PWWP3A: variants seen among roughly 807,000 people sequenced by gnomAD.
PWWP3A encodes the protein PWWP domain containing 3A, DNA repair factor, also known as PWWP domain-containing DNA repair factor 3A.
PWWP3A carries 53 observed loss-of-function variants against 79.0 expected under a neutral mutation model. The ratio of observed to expected loss-of-function variants is 0.67; its 90% CI spans 0.54 to 0.84. PWWP3A has a LOEUF of 0.84. PWWP3A is among the 40% of genes least tolerant of loss of function. The pLI is 0.00. For synonymous variants in PWWP3A, 443 were observed against 394.4 expected (o/e 1.12, Z -1.46); for missense variants, 973 against 948.0 (o/e 1.03, Z -0.35).
At chr19:1,358,753 G>A in intron 4 of PWWP3A, 1 of 1,220,550 alleles carries the variant, frequency 8.2e-7, no homozygotes, top group Admixed American at 2.1e-5. Flanking sequence ...ACAAGACGAG[G>A]AAGGACTTTG....
In PWWP3A at chr19:1,360,873, C is replaced by T. The variant is rs1380543063; in HGVS notation, c.952C>T (p.Pro318Ser). Residue 318 changes from proline (P) to serine (S), a missense_variant, in exon 5 of 14, where the codon CCC becomes TCC. Physicochemically the swap from Pro to Ser is moderately conservative, Grantham distance 74. Transcript: ENST00000591337. The surrounding 1 kb of genome is among the most constrained non-coding windows in gnomAD (Gnocchi z 4.4). ...AAGGCCGCCTGCCGTGCAGCTGGAG[C>T]CCATGGCAGCAGGGGCCGCACCATC... ...SQRPPAVQLEPMAAGAAPSPG... is the reference protein window; with the variant it reads ...SQRPPAVQLESMAAGAAPSPG... 3.9e-6 allele frequency: 6 copies of T among 1,546,782 alleles called. No homozygotes were observed. The highest frequency in any genetic ancestry group is 1.2e-5 in the South Asian group (1 of 84,008).
At position 1,369,287 on chromosome 19, in the gene PWWP3A, AC is replaced by A. The variant is rs1568949980; in HGVS notation, c.1447del (p.Gln483ArgfsTer17). ...TAGAATCAAGCCAGGGAGGACTTCA[AC>A]CAGGACATCGGCTGGTGTGTCTCCC... ...TLLNQAREDF[N>X]QDIGWCVSLI... is the part of the protein sequence containing the mutation. On this transcript the variant is annotated frameshift_variant, in exon 10 of 14. Transcript: ENST00000591337. LOFTEE classifies it high-confidence loss of function. This position sits in a 1 kb window ranked among gnomAD's most constrained non-coding sequence, Gnocchi z 4.0. 5 of 1,614,116 alleles carry A rather than the reference AC, an allele frequency of 3.1e-6. No individual in the cohort carries two copies. Among genetic ancestry groups the A allele is most frequent in the Non-Finnish European group, 4.2e-6 (5 of 1,180,010 alleles).
chr19:1,378,154 CT>C lies in PWWP3A; in HGVS notation c.*1579del. The C allele has an allele frequency of 6.6e-6, 1 of 152,460 alleles. No homozygotes were observed. Among genetic ancestry groups the C allele is most frequent in the African/African-American group, 2.4e-5 (1 of 41,600 alleles). 9.4% of individuals were successfully genotyped at this position (152,460 alleles called of 1,614,324 possible). On this transcript the variant is annotated 3_prime_UTR_variant, in exon 14 of 14. Transcript: ENST00000591337. ...GGTCAGGGCTGTCGGCCTTGGCCCC[CT>C]GCTGGTCGCTGTTTCGGGGACTCGG...
At chr19:1,375,526 A>AT (rs1422721702) in intron 13 of PWWP3A, among the ~76,000 whole-genome samples, 15,602 of 109,444 alleles carry the variant, frequency 0.14, 1,184 homozygotes, top group African/African-American at 0.21. Context: ...AAAATCATAT[A>AT]ATTTATATAT....
chr19:1,360,590 G>A lies in PWWP3A; in HGVS notation c.669G>A (p.Gln223=). 1 of 1,614,236 alleles carries A rather than the reference G, an allele frequency of 6.2e-7. No individual in the cohort carries two copies. Among genetic ancestry groups the A allele is most frequent in the Non-Finnish European group, 8.5e-7 (1 of 1,180,040 alleles). Residue 223 remains glutamine, a synonymous_variant, in exon 5 of 14, where the codon CAG becomes CAA. Transcript: ENST00000591337. The surrounding 1 kb of genome is among the most constrained non-coding windows in gnomAD (Gnocchi z 4.4). Reference sequence around the variant, plus strand: ...GTAAGAGGGGAGGAAACTCAGCGCAGAAGGCTAGCTTGTGCCTGAATGGAT... The same window carrying A: ...GTAAGAGGGGAGGAAACTCAGCGCAAAAGGCTAGCTTGTGCCTGAATGGAT... The part of the protein sequence containing the change: ...LASKRGGNSA[Q]KASLCLNGSS...
In PWWP3A at chr19:1,368,052, G is replaced by A. The variant is rs2082166564; in HGVS notation, c.1422+832G>A. On this transcript the variant is annotated intron_variant, in intron 9 of 13. Transcript: ENST00000591337. The surrounding 1 kb of genome is among the most constrained non-coding windows in gnomAD (Gnocchi z 4.7). ...CGATTCTGCTGCCTCAGCCTTCCGA[G>A]TAGCTGGGACTACAGGCAGGCACCA... Among the ~76,000 whole-genome samples the A allele has an allele frequency of 6.6e-6, 1 of 152,112 alleles. No individual in the cohort carries two copies. Among genetic ancestry groups the A allele is most frequent in the African/African-American group, 2.4e-5 (1 of 41,398 alleles).
intron 5 of PWWP3A, chr19:1,361,861 C>G (rs1425851965): frequency 4.9e-6 from 1 of 202,634 alleles, no homozygotes; most frequent in Non-Finnish European, 1.0e-5. Context: ...CTACCCTGTT[C>G]TATAGTCAGC....
At chr19:1,376,397 G>T in intron 13 of PWWP3A, 122 bp from the exon 14 acceptor site, 2 of 684,694 alleles carry the variant, frequency 2.9e-6, no homozygotes, top group Non-Finnish European at 4.7e-6. Flanking sequence ...CTTGTGATCC[G>T]CCTGCCTCGG....
chr19:1,370,330 G>A (rs1325131385), intron 11 of PWWP3A, among the ~76,000 whole-genome samples: 1 of 152,200 alleles, frequency 6.6e-6, no homozygotes, highest in Non-Finnish European at 1.5e-5. Context: ...AGTTTTCCAT[G>A]CCTCCTGGTT....
At chr19:1,376,018 C>T (rs1170901729) in intron 13 of PWWP3A, among the ~76,000 whole-genome samples, 1 of 151,250 alleles carries the variant, frequency 6.6e-6, no homozygotes, top group Non-Finnish European at 1.5e-5. Flanking sequence ...ACCATCTTGG[C>T]CAGGCTGGTC....
At chr19:1,371,491 A>G in intron 12 of PWWP3A, 2 of 675,854 alleles carry the variant, frequency 3.0e-6, no homozygotes, top group Non-Finnish European at 2.7e-6. Context: ...GTAAGTGGAT[A>G]ATGCGCCTCA....
rs572573561 is a variant in PWWP3A at position 1,355,822 on chromosome 19, C to T, written c.-69-502C>T. Among the ~76,000 whole-genome samples the T allele has an allele frequency of 4.0e-5, 6 of 150,892 alleles. No individual in the cohort carries two copies. The East Asian group carries it at 1.2e-3, about 30-fold the overall frequency. Reference sequence around the variant, plus strand: ...CCCCAAACCTCCTTTTCATTTCTGTCAACAGCCAAGCCAGTCCTTCCCATT... The same window carrying T: ...CCCCAAACCTCCTTTTCATTTCTGTTAACAGCCAAGCCAGTCCTTCCCATT... On this transcript the variant is annotated intron_variant, in intron 1 of 13. Coordinates refer to ENST00000591337, the MANE Select transcript of PWWP3A (RefSeq NM_001369789.1).
chr19:1,366,884 G>T (rs1469333023), intron 8 of PWWP3A, among the ~76,000 whole-genome samples: 5 of 152,208 alleles, frequency 3.3e-5, no homozygotes, highest in Non-Finnish European at 7.3e-5. Context: ...TGGTACTTCT[G>T]TGCTGCCCCC....
Position 1,366,302 on chromosome 19 carries a change from C to T in PWWP3A, c.1285-3C>T. Reference sequence around the variant, plus strand: ...CGTTTTATTTTCTTGGATTTGTGAACAGGTCAAAAGCGTCAGGCAGAGAGA... The same window carrying T: ...CGTTTTATTTTCTTGGATTTGTGAATAGGTCAAAAGCGTCAGGCAGAGAGA... On this transcript the variant is annotated splice_polypyrimidine_tract_variant and splice_region_variant and intron_variant, in intron 7 of 13. Transcript: ENST00000591337. 6.2e-7 allele frequency: 1 copy of T among 1,613,660 alleles called. No individual in the cohort carries two copies. Among genetic ancestry groups the T allele is most frequent in the South Asian group, 1.1e-5 (1 of 91,066 alleles).
Position 1,368,702 on chromosome 19 carries a change from G to A in PWWP3A, c.1423-563G>A, listed in dbSNP as rs1324814094. Among the ~76,000 whole-genome samples the A allele has an allele frequency of 6.6e-6, 1 of 152,196 alleles. No individual in the cohort carries two copies. Among genetic ancestry groups the A allele is most frequent in the East Asian group, 1.9e-4 (1 of 5,190 alleles). On this transcript the variant is annotated intron_variant, in intron 9 of 13. Transcript: ENST00000591337. The surrounding 1 kb of genome is among the most constrained non-coding windows in gnomAD (Gnocchi z 4.7). ...TGCTGTTAGAGCAGCCCAGGTGCTG[G>A]CCTAGCCTGGCTGCAGACGATAGCT...
intron 12 of PWWP3A, chr19:1,371,365 G>A (rs1444959615): frequency 1.7e-5 from 12 of 703,314 alleles, no homozygotes; most frequent in Non-Finnish European, 2.6e-5. Flanking sequence ...TACTGCGGGC[G>A]CACAGATGCT....
At chr19:1,358,809 AG>A in intron 4 of PWWP3A, 1 of 631,192 alleles carries the variant, frequency 1.6e-6, no homozygotes, top group South Asian at 1.5e-5. Context: ...CTCTTCCTAT[AG>A]TAAGATTTGC....
rs34502536 is a variant in PWWP3A at position 1,370,743 on chromosome 19, G to A, written c.1651G>A (p.Gly551Arg). The change falls in exon 12 of 14, where the codon GGG becomes AGG. Residue 551 changes from glycine (G) to arginine (R), a missense_variant. Coordinates refer to ENST00000591337, the MANE Select transcript of PWWP3A (RefSeq NM_001369789.1). ...GGAGCCCGTGGTGGGGTGCCCCCTG[G>A]GGCAGAGGCAGCCCTGCCGGAAAAT... ...PEEPVVGCPL[G>R]QRQPCRKMLP... is the part of the protein sequence containing the mutation. 0.018 allele frequency: 26,474 copies of A among 1,493,380 alleles called. 284 individuals carry two copies. Among genetic ancestry groups the A allele is most frequent in the Non-Finnish European group, 0.021 (23,523 of 1,117,190 alleles). 92.5% of individuals were successfully genotyped at this position (1,493,380 alleles called of 1,614,324 possible).
rs564334360 is a variant in PWWP3A, at chr19:1,370,489, G to T, written c.1550-153G>T. 3.3e-5 allele frequency among the ~76,000 whole-genome samples: 5 copies of T among 152,332 alleles called. No individual in the cohort carries two copies. In the South Asian group the frequency reaches 1.0e-3, roughly 32 times the overall value. Reference sequence around the variant, plus strand: ...CCCAGCAGAGGAAGTGTCTTTAGGAGCGTGAATGCTCCACTCCCGTGCTAA... The same window carrying T: ...CCCAGCAGAGGAAGTGTCTTTAGGATCGTGAATGCTCCACTCCCGTGCTAA... On this transcript the variant is annotated intron_variant, in intron 11 of 13. Coordinates refer to ENST00000591337, the MANE Select transcript of PWWP3A (RefSeq NM_001369789.1).
Sources: gnomAD v4.1 joint callset for allele counts (sites outside exome capture counted in the v4.1 genomes callset) on GRCh38, gnomAD v4.1.1 for gene constraint, Gnocchi (gnomAD v3.1) non-coding constraint, MANE v1.5 for transcripts, NCBI Gene and HGNC (gene_info 2026-07-23, HGNC 2026-07-21) for gene names.